Variants in APAF1 observed in about 807,000 individuals in gnomAD.
The protein encoded by APAF1 is apoptotic peptidase activating factor 1.
A neutral mutation model predicts 152.4 loss-of-function variants in APAF1; 91 were observed. That is an observed-to-expected ratio of 0.60 (90% CI 0.50 to 0.71). APAF1 has a LOEUF of 0.71. Ranked by LOEUF, APAF1 falls within the 30% of genes least tolerant of loss-of-function variation. The pLI is 0.00. For synonymous variants in APAF1, 484 were observed against 494.1 expected, an observed-to-expected ratio of 0.98 and a Z score of 0.27; for missense variants, 1,283 against 1,472.0, an observed-to-expected ratio of 0.87 and a Z score of 2.10.
rs1349993938 is a variant in APAF1, at chr12:98,706,622, T to C, written c.2721+12T>C. 1 of 1,613,568 alleles carries C rather than the reference T, an allele frequency of 6.2e-7. No homozygotes were observed. The highest frequency in any genetic ancestry group is 8.5e-7 in the Non-Finnish European group (1 of 1,179,614). The stretch of plus-strand genomic sequence containing the variant: ...ACCAGACAATCAGGGTGAGAAATAT[T>C]GAGATTTTCATTTTGAACATTTCCT... On this transcript the variant is annotated intron_variant, in intron 19 of 26. Coordinates refer to ENST00000551964, the MANE Select transcript of APAF1 (RefSeq NM_181861.2).
At chr12:98,658,335 A>G (rs1221666757) in intron 4 of APAF1, among the ~76,000 whole-genome samples, 1 of 152,228 alleles carries the variant, frequency 6.6e-6, no homozygotes, top group Non-Finnish European at 1.5e-5. Context: ...AATCATGGCC[A>G]TTCCTAGTGT....
At chr12:98,650,915 C>T (rs1025690092) in intron 4 of APAF1, among the ~76,000 whole-genome samples, 2 of 151,988 alleles carry the variant, frequency 1.3e-5, no homozygotes, top group Non-Finnish European at 2.9e-5. Context: ...TTATAATATT[C>T]CAATTTATAG....
chr12:98,711,852 A>G (rs1274990735), intron 20 of APAF1, among the ~76,000 whole-genome samples: 1 of 151,200 alleles, frequency 6.6e-6, no homozygotes, highest in African/African-American at 2.4e-5. Flanking sequence ...CTTAATTTAC[A>G]CTGTTTTGTG....
At chr12:98,676,140 C>T (rs767135307) in intron 12 of APAF1, among the ~76,000 whole-genome samples, 19 of 152,238 alleles carry the variant, frequency 1.2e-4, no homozygotes, top group African/African-American at 2.6e-4. Context: ...AGGGATGTAA[C>T]GTATATGAAA....
chr12:98,681,709 G>A (rs2097692414), intron 14 of APAF1, among the ~76,000 whole-genome samples: 1 of 152,110 alleles, frequency 6.6e-6, no homozygotes, highest in African/African-American at 2.4e-5. Context: ...ACTCTGTAGT[G>A]TCTACTCTGA....
rs550060632 is a variant in APAF1, at chr12:98,732,320, C to T, written c.3601-100C>T. On this transcript the variant is annotated intron_variant, in intron 26 of 26. Coordinates refer to ENST00000551964, the MANE Select transcript of APAF1 (RefSeq NM_181861.2). ...CATTTTCCTCCTGTTTGCTTGAGTT[C>T]GGTTGGGGGGAGGAGATAGGGTAAA... 6.6e-5 allele frequency: 69 copies of T among 1,044,590 alleles called. No homozygotes were observed. In the African/African-American group the frequency reaches 9.9e-4, roughly 15 times the overall value. The allele number at this position is 1,044,590 out of a possible 1,614,324, so 64.7% of individuals were successfully genotyped here.
In APAF1 at chr12:98,727,256, G is replaced by C. The variant is rs761085092; in HGVS notation, c.3540G>C (p.Val1180=). 8.1e-6 allele frequency: 13 copies of C among 1,614,034 alleles called. No individual in the cohort carries two copies. The East Asian group carries it at 2.9e-4, about 36-fold the overall frequency. Residue 1180 remains valine, a synonymous_variant, in exon 26 of 27, where the codon GTG becomes GTC. Transcript: ENST00000551964. ...GAGCTGCTACCCATGGAGGCTGGGT[G>C]ACTGACCTTTGCTTTTCTCCAGATG... is the stretch of plus-strand genomic sequence containing the variant. ...EEGAATHGGW[V]TDLCFSPDGK...
chr12:98,684,981 T>C (rs1029023079), intron 15 of APAF1, among the ~76,000 whole-genome samples: 2 of 152,220 alleles, frequency 1.3e-5, no homozygotes, highest in Admixed American at 6.5e-5. Context: ...AGTGAAAATA[T>C]GTAATTGTGA....
chr12:98,698,674 C>A (rs1310388665), intron 16 of APAF1, among the ~76,000 whole-genome samples: 2 of 152,158 alleles, frequency 1.3e-5, no homozygotes, highest in African/African-American at 4.8e-5. Context: ...AGCTTTCTCC[C>A]CCAACCCCCA....
chr12:98,719,876 C>A (rs901308294), intron 22 of APAF1, among the ~76,000 whole-genome samples: 1 of 151,962 alleles, frequency 6.6e-6, no homozygotes, highest in Non-Finnish European at 1.5e-5. Flanking sequence ...ATTGTGGTGG[C>A]AATATTTAAT....
chr12:98,697,197 G>A (rs1028530955), intron 16 of APAF1, among the ~76,000 whole-genome samples: 1 of 152,182 alleles, frequency 6.6e-6, no homozygotes, highest in Non-Finnish European at 1.5e-5. Context: ...GCTGGTATAA[G>A]ATAGGCTAAT....
chr12:98,708,042 G>A (rs2097723695), intron 19 of APAF1, among the ~76,000 whole-genome samples: 1 of 152,176 alleles, frequency 6.6e-6, no homozygotes, highest in Non-Finnish European at 1.5e-5. Context: ...CACCTCCCAG[G>A]TTCAAGCAAT....
chr12:98,720,422 G>A (rs545372758), intron 22 of APAF1, among the ~76,000 whole-genome samples: 12 of 152,290 alleles, frequency 7.9e-5, no homozygotes, highest in South Asian at 2.1e-4. Context: ...AAATGATTAA[G>A]TGGAGGTTTG....
At position 98,671,639 on chromosome 12, in the gene APAF1, G is replaced by C; in HGVS notation, c.1713G>C (p.Pro571=). ...TTGTACAACTGGGTCTCTGTGAGCC[G>C]GAAACTTCAGAAGTTTATCAGCAAG... The part of the protein sequence containing the change: ...PNIVQLGLCE[P]ETSEVYQQAK... The change falls in exon 12 of 27, where the codon CCG becomes CCC. Residue 571 remains proline, a synonymous_variant. Coordinates refer to ENST00000551964, the MANE Select transcript of APAF1 (RefSeq NM_181861.2). The C allele has an allele frequency of 6.2e-7, 1 of 1,613,918 alleles. No individual in the cohort carries two copies. The highest frequency in any genetic ancestry group is 8.5e-7 in the Non-Finnish European group (1 of 1,179,978).
intron 20 of APAF1, among the ~76,000 whole-genome samples, chr12:98,709,607 T>C (rs2097725652): frequency 6.6e-6 from 1 of 152,072 alleles, no homozygotes; most frequent in African/African-American, 2.4e-5. Flanking sequence ...TCATGGAAGA[T>C]TAAAACACAA....
intron 22 of APAF1, among the ~76,000 whole-genome samples, chr12:98,716,267 C>CT (rs537207178): frequency 1.8e-3 from 278 of 152,306 alleles, no homozygotes; most frequent in African/African-American, 6.0e-3. Context: ...GAAGATGTTG[C>CT]TTTTTTCCGC....
At position 98,703,475 on chromosome 12, in the gene APAF1, T is replaced by G. The variant is rs747507106; in HGVS notation, c.2571T>G (p.Val857=). The G allele has an allele frequency of 6.2e-7, 1 of 1,614,204 alleles. No individual in the cohort carries two copies. The highest frequency in any genetic ancestry group is 2.2e-5 in the East Asian group (1 of 44,880). ...CCCCACAAAACCATTTGGCAGTGGT[T>G]GCTTTGTCCCAGTACTGTGTAGAGG... The part of the protein sequence containing the change: ...DFSPQNHLAV[V]ALSQYCVELW... The change falls in exon 18 of 27, where the codon GTT becomes GTG. Residue 857 remains valine, a synonymous_variant. Coordinates refer to ENST00000551964, the MANE Select transcript of APAF1 (RefSeq NM_181861.2).
chr12:98,719,362 CT>C (rs796183480), intron 22 of APAF1, among the ~76,000 whole-genome samples: 1 of 151,324 alleles, frequency 6.6e-6, no homozygotes, highest in Non-Finnish European at 1.5e-5. Flanking sequence ...CTTTTCTTTT[CT>C]TTTTTTTGAG....
Position 98,700,916 on chromosome 12 carries a change from G to A in APAF1, c.2466+1347G>A, listed in dbSNP as rs565979363. Among the ~76,000 whole-genome samples, 231 of 151,950 alleles carry A rather than the reference G, an allele frequency of 1.5e-3. 1 individual carries two copies. Among genetic ancestry groups the A allele is most frequent in the Non-Finnish European group, 2.9e-3 (198 of 67,952 alleles). ...CATGTTTTCAAGGTTCATTCATGTT[G>A]TAGCATGTATCAGAACTGTATTTCT... On this transcript the variant is annotated intron_variant, in intron 17 of 26. Coordinates refer to ENST00000551964, the MANE Select transcript of APAF1 (RefSeq NM_181861.2).
Sources: allele counts gnomAD v4.1 joint callset (sites outside exome capture counted in the v4.1 genomes callset), GRCh38; gene constraint gnomAD v4.1.1; transcripts MANE v1.5; gene names NCBI Gene and HGNC (gene_info 2026-07-23, HGNC 2026-07-21).